PEX12: variants seen among roughly 807,000 people sequenced by gnomAD.
PEX12 encodes the protein peroxisome assembly protein 12.
In PEX12, 31 loss-of-function variants were observed where a neutral mutation model predicts 32.5. The ratio of observed to expected loss-of-function variants is 0.95; its 90% confidence interval spans 0.72 to 1.29. The LOEUF (loss-of-function observed/expected upper bound fraction) is 1.29. PEX12 is among the 50% of genes most tolerant of loss of function. The probability of loss-of-function intolerance (pLI) is 0.00; values close to 1 mark genes in which losing one functional copy is unlikely to be tolerated. For synonymous variants in PEX12, 148 were observed against 157.2 expected, an observed-to-expected ratio of 0.94 and a Z score of 0.44; for missense variants, 359 against 419.0, an observed-to-expected ratio of 0.86 and a Z score of 1.25.
rs1339642229 is a variant in PEX12 at position 35,575,700 on chromosome 17, GTCAAC to G, written c.*77_*81del. On this transcript the variant is annotated 3_prime_UTR_variant, in exon 3 of 3. Coordinates refer to ENST00000225873, the MANE Select transcript of PEX12 (RefSeq NM_000286.3). ...TAGTTATGAATTGAGGCTGAGAAGT[GTCAAC>G]TCAATACCATGCTGAAACCAGCTCT... The G allele has an allele frequency of 6.2e-6, 8 of 1,283,166 alleles. No homozygotes were observed. Among genetic ancestry groups the G allele is most frequent in the South Asian group, 2.4e-5 (2 of 83,700 alleles). 79.5% of individuals were successfully genotyped at this position (1,283,166 alleles called of 1,614,324 possible). A position where few individuals can be genotyped will look rare whatever the true frequency, so the allele number is the denominator to read the frequency against.
rs1479752921 is a variant in PEX12 at position 35,577,892 on chromosome 17, T to C, written c.126+4A>G. 6.2e-7 allele frequency: 1 copy of C among 1,614,172 alleles called. No individual in the cohort carries two copies. Among genetic ancestry groups the C allele is most frequent in the Admixed American group, 1.7e-5 (1 of 60,020 alleles). ...TAAAACCTTTCCAAGAATTAATACC[T>C]TACCTTGACCACATGCTGAAGAGCG... On this transcript the variant is annotated splice_donor_region_variant and intron_variant, in intron 1 of 2. Coordinates refer to ENST00000225873, the MANE Select transcript of PEX12 (RefSeq NM_000286.3).
At position 35,575,267 on chromosome 17, in the gene PEX12, C is replaced by G. The variant is rs1365408224; in HGVS notation, c.*515G>C. 96 of 160,736 alleles carry G rather than the reference C, an allele frequency of 6.0e-4. 2 individuals are homozygous for G. The highest frequency in any genetic ancestry group is 5.5e-5 in the Non-Finnish European group (4 of 72,460). 10.0% of individuals were successfully genotyped at this position (160,736 alleles called of 1,614,324 possible). A position where few individuals can be genotyped will look rare whatever the true frequency, so the allele number is the denominator to read the frequency against. On this transcript the variant is annotated 3_prime_UTR_variant, in exon 3 of 3. Transcript: ENST00000225873. Reference sequence around the variant, plus strand: ...ACAGTATATGGAAGGAGCTTTTTTCCCCCCCAGAGTGTTTCTAAGCATTTC... The same window carrying G: ...ACAGTATATGGAAGGAGCTTTTTTCGCCCCCAGAGTGTTTCTAAGCATTTC...
At position 35,577,339 on chromosome 17, in the gene PEX12, T is replaced by A; in HGVS notation, c.379A>T (p.Lys127Ter). The change falls in exon 2 of 3, where the codon AAA becomes TAA. Residue 127 changes from lysine to a stop codon, truncating the protein, a stop_gained. Transcript: ENST00000225873. LOFTEE classifies it high-confidence loss of function. ...IMFLVLLPYL[K>*]VKLEKLVSSL... ...GAAACCAGCTTCTCCAGCTTCACTT[T>A]CAGATAGGGAAGAAGAACCAGGAAC... 6.2e-7 allele frequency: 1 copy of A among 1,614,140 alleles called. No homozygotes were observed. Among genetic ancestry groups the A allele is most frequent in the Non-Finnish European group, 8.5e-7 (1 of 1,180,022 alleles).
In PEX12 at chr17:35,578,368, C is replaced by T. The variant is rs2072800432; in HGVS notation, c.-347G>A. 2 of 353,576 alleles carry T rather than the reference C, an allele frequency of 5.7e-6. No individual in the cohort carries two copies. The highest frequency in any genetic ancestry group is 5.5e-6 in the Non-Finnish European group (1 of 180,598). The allele number at this position is 353,576 out of a possible 1,614,324, so 21.9% of individuals were successfully genotyped here. On this transcript the variant is annotated 5_prime_UTR_variant, in exon 1 of 3. Coordinates refer to ENST00000225873, the MANE Select transcript of PEX12 (RefSeq NM_000286.3). ...ATCCTCTGGAGCTGCGAACCAGAAA[C>T]GCCCCCTCCTCCCCAATCGTGAGAG... is the stretch of plus-strand genomic sequence containing the variant.
At position 35,577,035 on chromosome 17, in the gene PEX12, T is replaced by TA. The variant is rs1246956423; in HGVS notation, c.680+2dup. The TA allele has an allele frequency of 6.2e-7, 1 of 1,613,310 alleles. No homozygotes were observed. Among genetic ancestry groups the TA allele is most frequent in the Admixed American group, 1.7e-5 (1 of 60,010 alleles). On this transcript the variant is annotated splice_region_variant and intron_variant, in intron 2 of 2. Transcript: ENST00000225873. ...AGATCTTTTGGAAATGTTAAGGCCTTACCTCCTGGCTGGTTGCTGCATCAT... is the reference window on the plus strand; with the variant it reads ...AGATCTTTTGGAAATGTTAAGGCCTTAACCTCCTGGCTGGTTGCTGCATCAT...
At position 35,575,502 on chromosome 17, in the gene PEX12, C is replaced by T; in HGVS notation, c.*280G>A. ...AAAGGGATAGGCAAAAACTTGTGTACTCATTATTCTGTTTAATCTCTACAC... is the reference window on the plus strand; with the variant it reads ...AAAGGGATAGGCAAAAACTTGTGTATTCATTATTCTGTTTAATCTCTACAC... On this transcript the variant is annotated 3_prime_UTR_variant, in exon 3 of 3. Coordinates refer to ENST00000225873, the MANE Select transcript of PEX12 (RefSeq NM_000286.3). The T allele has an allele frequency of 2.4e-6, 1 of 413,244 alleles. No homozygotes were observed. Among genetic ancestry groups the T allele is most frequent in the Non-Finnish European group, 4.5e-6 (1 of 222,268 alleles). 25.6% of individuals were successfully genotyped at this position (413,244 alleles called of 1,614,324 possible).
intron 2 of PEX12, among the ~76,000 whole-genome samples, chr17:35,576,563 G>A (rs1264579013): frequency 1.3e-5 from 2 of 151,914 alleles, no homozygotes; most frequent in African/African-American, 4.8e-5. Flanking sequence ...GAACTTGTAG[G>A]AGAACACAAA....
chr17:35,577,926 T>G lies in PEX12; in HGVS notation c.96A>C (p.Ala32=). 6.2e-7 allele frequency: 1 copy of G among 1,614,226 alleles called. No homozygotes were observed. Among genetic ancestry groups the G allele is most frequent in the South Asian group, 1.1e-5 (1 of 91,090 alleles). ...CCACATGCTGAAGAGCGGGTCTCAC[T>G]GCTGTCATTAAACTGTCCTGTGCTA... The part of the protein sequence containing the change: ...EVVAQDSLMT[A]VRPALQHVVK... Residue 32 remains alanine (A), a synonymous_variant, in exon 1 of 3, where the codon GCA becomes GCC. Coordinates refer to ENST00000225873, the MANE Select transcript of PEX12 (RefSeq NM_000286.3).
In PEX12 at chr17:35,577,206, TC is replaced by T. The variant is rs945104524; in HGVS notation, c.511del (p.Glu171LysfsTer13). On this transcript the variant is annotated frameshift_variant, in exon 2 of 3. Coordinates refer to ENST00000225873, the MANE Select transcript of PEX12 (RefSeq NM_000286.3). LOFTEE classifies it high-confidence loss of function. ...AAGTTGTTGTACAAGAAACCATCCT[TC>T]CCAGGCCATGTTCACAAATGGGTAG... is the stretch of plus-strand genomic sequence containing the variant. ...AAYPFVNMAW[E>X]GWFLVQQLRY... The T allele has an allele frequency of 2.5e-6, 4 of 1,613,984 alleles. No individual in the cohort carries two copies. In the African/African-American group the frequency reaches 5.3e-5, roughly 22 times the overall value.
Position 35,578,075 on chromosome 17 carries a change from G to A in PEX12, c.-54C>T, listed in dbSNP as rs563742630. The A allele has an allele frequency of 6.2e-7, 1 of 1,611,532 alleles. No individual in the cohort carries two copies. Among genetic ancestry groups the A allele is most frequent in the East Asian group, 2.2e-5 (1 of 44,802 alleles). The stretch of plus-strand genomic sequence containing the variant: ...TTCCCACAAACTCTCTCGTGAGCAT[G>A]AACTTTTTCGGGAGGAAGAGTATCA... On this transcript the variant is annotated 5_prime_UTR_variant, in exon 1 of 3. Coordinates refer to ENST00000225873, the MANE Select transcript of PEX12 (RefSeq NM_000286.3).
chr17:35,578,089 G>A lies in PEX12; in HGVS notation c.-68C>T, dbSNP rs1267525858. ...CTCGTGAGCATGAACTTTTTCGGGA[G>A]GAAGAGTATCAGATGGGTGCTCAGT... is the stretch of plus-strand genomic sequence containing the variant. On this transcript the variant is annotated 5_prime_UTR_variant, in exon 1 of 3. Transcript: ENST00000225873. 9 of 1,597,086 alleles carry A rather than the reference G, an allele frequency of 5.6e-6. No homozygotes were observed. The highest frequency in any genetic ancestry group is 1.7e-4 in the Middle Eastern group (1 of 6,026).
At chr17:35,577,812 C>A in intron 1 of PEX12, 84 bp downstream of exon 1, 1 of 1,586,706 alleles carries the variant, frequency 6.3e-7, no homozygotes, top group Non-Finnish European at 8.6e-7. Flanking sequence ...CTATTTCAAA[C>A]GCTAGGCTAC....
chr17:35,576,723 T>C (rs1337785940), intron 2 of PEX12, among the ~76,000 whole-genome samples: 1 of 152,174 alleles, frequency 6.6e-6, no homozygotes, highest in East Asian at 1.9e-4. Context: ...TTTGGCAAGG[T>C]ACTTAACTGC....
Position 35,575,814 on chromosome 17 carries a change from G to T in PEX12, c.1048C>A (p.His350Asn). Residue 350 changes from histidine to asparagine, a missense_variant, in exon 3 of 3, where the codon CAT becomes AAT. Physicochemically the swap from His to Asn is moderately conservative, Grantham distance 68. Transcript: ENST00000225873. ...PITGYPTEVQ[H>N]LIKLYSPEN ...TCAGGGGAGTAGAGTTTAATCAGAT[G>T]TTGTACTTCTGTTGGATAACCTGTG... is the stretch of plus-strand genomic sequence containing the variant. 1 of 1,614,164 alleles carries T rather than the reference G, an allele frequency of 6.2e-7. No homozygotes were observed. Among genetic ancestry groups the T allele is most frequent in the Non-Finnish European group, 8.5e-7 (1 of 1,179,982 alleles).
Position 35,575,463 on chromosome 17 carries a change from C to G in PEX12, c.*319G>C, listed in dbSNP as rs2072779228. 1 of 289,022 alleles carries G rather than the reference C, an allele frequency of 3.5e-6. No individual in the cohort carries two copies. Among genetic ancestry groups the G allele is most frequent in the East Asian group, 7.2e-5 (1 of 13,878 alleles). 17.9% of individuals were successfully genotyped at this position (289,022 alleles called of 1,614,324 possible). Reference sequence around the variant, plus strand: ...GTTTTTCGTAAGAGCTCCTTTATTTCTTATATTTTAAGGAAAGGGATAGGC... The same window carrying G: ...GTTTTTCGTAAGAGCTCCTTTATTTGTTATATTTTAAGGAAAGGGATAGGC... On this transcript the variant is annotated 3_prime_UTR_variant, in exon 3 of 3. Coordinates refer to ENST00000225873, the MANE Select transcript of PEX12 (RefSeq NM_000286.3).
In PEX12 at chr17:35,577,976, C is replaced by T. The variant is rs979319729; in HGVS notation, c.46G>A (p.Asp16Asn). ...ACCACCTCAAAGATGGATGGCTGGT[C>T]ATCGGCCACAGAAGCAGCTGTGAAG... ...AHFTAASVADDQPSIFEVVAQ... is the reference protein window; with the variant it reads ...AHFTAASVADNQPSIFEVVAQ... Residue 16 changes from aspartate (D) to asparagine (N), a missense_variant, in exon 1 of 3, where the codon GAC (aspartate) becomes AAC (asparagine). Transcript: ENST00000225873. 7.4e-6 allele frequency: 12 copies of T among 1,614,034 alleles called. No homozygotes were observed. The African/African-American group carries it at 1.2e-4, about 16-fold the overall frequency.
In PEX12 at chr17:35,575,758, G is replaced by C; in HGVS notation, c.*24C>G. 1 of 1,611,716 alleles carries C rather than the reference G, an allele frequency of 6.2e-7. No individual in the cohort carries two copies. The highest frequency in any genetic ancestry group is 8.5e-7 in the Non-Finnish European group (1 of 1,177,810). ...GACATTACAGCGCAATACTTTTGTT[G>C]TGAGGATAAGACATGATTCCCTTTC... On this transcript the variant is annotated 3_prime_UTR_variant, in exon 3 of 3. Transcript: ENST00000225873.
chr17:35,577,065 G>C lies in PEX12; in HGVS notation c.653C>G (p.Ala218Gly). 6.2e-7 allele frequency: 1 copy of C among 1,614,052 alleles called. No homozygotes were observed. Among genetic ancestry groups the C allele is most frequent in the South Asian group, 1.1e-5 (1 of 91,082 alleles). ...CCTGGCTGGTTGCTGCATCATGCTG[G>C]CCTTAGCTGGTTTGTGCTCCAGAGC... ...IQALEHKPAK[A>G]SMMQQPARSV... is the part of the protein sequence containing the mutation. The change falls in exon 2 of 3, where the codon GCC becomes GGC. Residue 218 changes from alanine to glycine, a missense_variant. Ala to Gly is a moderately conservative substitution (Grantham distance 60). Coordinates refer to ENST00000225873, the MANE Select transcript of PEX12 (RefSeq NM_000286.3).
At position 35,577,424 on chromosome 17, in the gene PEX12, G is replaced by A; in HGVS notation, c.294C>T (p.His98=). 6.2e-7 allele frequency: 1 copy of A among 1,614,166 alleles called. No homozygotes were observed. Among genetic ancestry groups the A allele is most frequent in the South Asian group, 1.1e-5 (1 of 91,084 alleles). ...GLKRIVMGDT[H]KSQRLASAGL... ...CAGCACTAGCCAATCTCTGAGACTT[G>A]TGAGTGTCCCCCATTACAATTCTCT... Residue 98 remains histidine, a synonymous_variant, in exon 2 of 3, where the codon CAC becomes CAT. Transcript: ENST00000225873.
Sources: allele counts gnomAD v4.1 joint callset (sites outside exome capture counted in the v4.1 genomes callset), GRCh38; gene constraint gnomAD v4.1.1; transcripts MANE v1.5; gene names NCBI Gene and HGNC (gene_info 2026-07-23, HGNC 2026-07-21).